DPP10: variants seen among roughly 807,000 people sequenced by gnomAD.
DPP10 encodes dipeptidyl peptidase like 10.
Under a neutral mutation model 120.9 loss-of-function variants are expected in DPP10, and 33 were observed. The observed-to-expected ratio is 0.27, with a 90% CI of 0.21 to 0.37. DPP10 has a LOEUF of 0.37. DPP10 is among the 10% of genes least tolerant of loss of function. The pLI, the probability that DPP10 is intolerant of heterozygous loss-of-function variation, is 1.00. For missense variants in DPP10, 816 were observed against 942.8 expected (o/e 0.87, Z 1.76); for synonymous variants, 337 against 326.1 (o/e 1.03, Z -0.36).
At chr2:115,697,397 A>G (rs1183086361) in intron 7 of DPP10, among the ~76,000 whole-genome samples, 1 of 152,040 alleles carries the variant, frequency 6.6e-6, no homozygotes, top group African/African-American at 2.4e-5. Context: ...GAGATATTTC[A>G]TGCAAACAGT....
intron 1 of DPP10, among the ~76,000 whole-genome samples, chr2:114,604,746 G>T (rs1471775691): frequency 2.0e-5 from 3 of 152,092 alleles, no homozygotes; most frequent in Non-Finnish European, 4.4e-5. Context: ...ATTTGGGGCT[G>T]ATTGGAAAAC....
At chr2:114,610,794 G>T (rs779531716) in intron 1 of DPP10, among the ~76,000 whole-genome samples, 5 of 152,220 alleles carry the variant, frequency 3.3e-5, no homozygotes, top group Admixed American at 6.5e-5. Flanking sequence ...CCTGAAACAT[G>T]CCCTGCTGTG....
intron 1 of DPP10, among the ~76,000 whole-genome samples, chr2:115,174,859 G>A (rs887149898): frequency 1.3e-5 from 2 of 152,184 alleles, no homozygotes; most frequent in Non-Finnish European, 2.9e-5. Flanking sequence ...GTGAGGTCCT[G>A]GAATGCAGCC....
intron 1 of DPP10, among the ~76,000 whole-genome samples, chr2:115,102,506 G>A (rs1035637664): frequency 7.2e-5 from 11 of 152,202 alleles, no homozygotes; most frequent in African/African-American, 2.2e-4. Flanking sequence ...CACCTCCCAA[G>A]TTTAAGTGAT....
At chr2:115,134,918 A>G (rs2050572605) in intron 1 of DPP10, among the ~76,000 whole-genome samples, 1 of 152,122 alleles carries the variant, frequency 6.6e-6, no homozygotes, top group Non-Finnish European at 1.5e-5. Flanking sequence ...GCAAGAGGCC[A>G]TCGTGCAGCC....
chr2:114,774,948 G>A (rs925611727), intron 1 of DPP10, among the ~76,000 whole-genome samples: 1 of 151,844 alleles, frequency 6.6e-6, no homozygotes, highest in Non-Finnish European at 1.5e-5. Context: ...ATTCTTAGTG[G>A]TAGTTATTAT....
intron 4 of DPP10, among the ~76,000 whole-genome samples, chr2:115,500,840 C>G (rs2076645938): frequency 6.6e-6 from 1 of 151,882 alleles, no homozygotes; most frequent in Admixed American, 6.6e-5. Context: ...TTTTAATAAA[C>G]AGTATACAGC....
chr2:115,227,669 T>G (rs995902055), intron 1 of DPP10, among the ~76,000 whole-genome samples: 1 of 152,178 alleles, frequency 6.6e-6, no homozygotes, highest in Non-Finnish European at 1.5e-5. Flanking sequence ...TCAGACAATA[T>G]GTAGCCTTTC....
chr2:114,703,779 C>G (rs1700523597), intron 1 of DPP10, among the ~76,000 whole-genome samples: 2 of 152,108 alleles, frequency 1.3e-5, no homozygotes, highest in African/African-American at 4.8e-5. Context: ...ACTAGAAGAG[C>G]TGCTGGGTTA....
intron 1 of DPP10, among the ~76,000 whole-genome samples, chr2:114,444,825 A>T (rs1677849900): frequency 6.6e-6 from 1 of 152,166 alleles, no homozygotes. Context: ...TGCTCTGGGG[A>T]GCAAAAAAAT....
At chr2:115,206,853 T>A (rs182885120) in intron 1 of DPP10, among the ~76,000 whole-genome samples, 1 of 152,364 alleles carries the variant, frequency 6.6e-6, no homozygotes, top group East Asian at 1.9e-4. Context: ...AGATACAGGC[T>A]AGGCTCAAAG....
intron 19 of DPP10, among the ~76,000 whole-genome samples, chr2:115,792,298 A>G (rs1312347010): frequency 6.6e-6 from 1 of 152,132 alleles, no homozygotes; most frequent in African/African-American, 2.4e-5. Flanking sequence ...TACAACATAT[A>G]AAGTCCCTTA....
At chr2:115,037,416 A>C (rs562074553) in intron 1 of DPP10, among the ~76,000 whole-genome samples, 1 of 152,112 alleles carries the variant, frequency 6.6e-6, no homozygotes, top group Non-Finnish European at 1.5e-5. Context: ...TAATTCATTC[A>C]TTCATATTTT....
At chr2:114,683,940 A>G (rs1054543523) in intron 1 of DPP10, among the ~76,000 whole-genome samples, 6 of 151,976 alleles carry the variant, frequency 3.9e-5, no homozygotes, top group African/African-American at 1.4e-4. Flanking sequence ...CCATTTCCAC[A>G]TGACAGAATA....
At chr2:115,802,177 G>C (rs141053042) in intron 19 of DPP10, among the ~76,000 whole-genome samples, 12,258 of 152,074 alleles carry the variant, frequency 0.081, 659 homozygotes, top group Non-Finnish European at 0.12. Context: ...TGTATGTGTC[G>C]AGGAATTTAT....
chr2:114,566,732 A>G (rs1275511035), intron 1 of DPP10, among the ~76,000 whole-genome samples: 1 of 152,238 alleles, frequency 6.6e-6, no homozygotes, highest in African/African-American at 2.4e-5. Flanking sequence ...CACAGCAGGA[A>G]GAACACCAGG....
intron 1 of DPP10, among the ~76,000 whole-genome samples, chr2:115,011,447 CT>C (rs1283008678): frequency 6.6e-6 from 1 of 152,012 alleles, no homozygotes; most frequent in Non-Finnish European, 1.5e-5. Context: ...ATGTATTTTT[CT>C]TAATTTTTAG....
At chr2:115,826,628 G>A (rs1688348396) in intron 21 of DPP10, among the ~76,000 whole-genome samples, 1 of 152,168 alleles carries the variant, frequency 6.6e-6, no homozygotes, top group South Asian at 2.1e-4. Context: ...GGATGAGGCA[G>A]GAGAATTGCT....
chr2:115,261,282 C>G (rs1407523806), intron 1 of DPP10, among the ~76,000 whole-genome samples: 1 of 152,104 alleles, frequency 6.6e-6, no homozygotes, highest in Non-Finnish European at 1.5e-5. Context: ...GGCTAGAAGA[C>G]CTAATTTTAG....
Sources: allele counts gnomAD v4.1 joint callset (sites outside exome capture counted in the v4.1 genomes callset), GRCh38; gene constraint gnomAD v4.1.1; transcripts MANE v1.5; gene names NCBI Gene and HGNC (gene_info 2026-07-23, HGNC 2026-07-21).